SNRPE: variants seen among roughly 807,000 people sequenced by gnomAD.
SNRPE encodes small nuclear ribonucleoprotein E.
For missense variants in SNRPE, 53 were observed against 111.6 expected (o/e 0.48, Z 2.36); for synonymous variants, 35 against 36.7 (o/e 0.95, Z 0.17).
intron 4 of SNRPE, among the ~76,000 whole-genome samples, chr1:203,866,656 C>T (rs928732393): frequency 3.3e-5 from 5 of 152,102 alleles, no homozygotes; most frequent in African/African-American, 1.2e-4. Context: ...CTGCAGCTAC[C>T]TCCAGTTTGC....
At chr1:203,867,600 C>T (rs1161633389) in intron 4 of SNRPE, among the ~76,000 whole-genome samples, 1 of 152,094 alleles carries the variant, frequency 6.6e-6, no homozygotes, top group Non-Finnish European at 1.5e-5. Context: ...TCCCTCTTTG[C>T]CCGGTTCACA....
At chr1:203,865,821 G>A (rs1489206765) in intron 4 of SNRPE, among the ~76,000 whole-genome samples, 1 of 152,156 alleles carries the variant, frequency 6.6e-6, no homozygotes, top group African/African-American at 2.4e-5. Flanking sequence ...AGAACTCGGG[G>A]AAACACTTGT....
intron 3 of SNRPE, among the ~76,000 whole-genome samples, chr1:203,864,767 T>G (rs894211685): frequency 6.6e-6 from 1 of 150,692 alleles, no homozygotes; most frequent in African/African-American, 2.4e-5. Context: ...TTCCAGCTAC[T>G]TGGGGGGAGC....
intron 2 of SNRPE, among the ~76,000 whole-genome samples, chr1:203,862,707 C>T (rs1178090380): frequency 6.6e-6 from 1 of 152,082 alleles, no homozygotes; most frequent in Non-Finnish European, 1.5e-5. Flanking sequence ...CAGCTGCTTT[C>T]CTTTGAGGGA....
chr1:203,861,857 G>A, intron 1 of SNRPE, 144 bp downstream of exon 1: 1 of 722,502 alleles, frequency 1.4e-6, no homozygotes, highest in Non-Finnish European at 2.5e-6. Flanking sequence ...AAGAAAGCGC[G>A]GGTAGTTGAA....
At chr1:203,864,844 T>A (rs1690053533) in intron 3 of SNRPE, among the ~76,000 whole-genome samples, 197 bp from the exon 4 acceptor site, 1 of 135,830 alleles carries the variant, frequency 7.4e-6, no homozygotes. Flanking sequence ...ACCACTGCAC[T>A]CTAGCCTGGA....
intron 3 of SNRPE, among the ~76,000 whole-genome samples, chr1:203,864,807 G>A (rs1209176598): frequency 1.3e-5 from 2 of 149,132 alleles, no homozygotes; most frequent in Admixed American, 1.4e-4. Context: ...GAACCCAGGA[G>A]GTCCAGCTGC....
chr1:203,863,324 T>C (rs1690015442), intron 2 of SNRPE, among the ~76,000 whole-genome samples: 1 of 152,030 alleles, frequency 6.6e-6, no homozygotes. Flanking sequence ...GGCCTGTTTT[T>C]CTTTTCTTTT....
At chr1:203,862,045 A>G (rs1689988507) in intron 1 of SNRPE, 151 bp from the exon 2 acceptor site, 2 of 672,628 alleles carry the variant, frequency 3.0e-6, no homozygotes, top group African/African-American at 1.8e-5. Flanking sequence ...GAAGACCCGT[A>G]ACGAATGCCC....
chr1:203,861,815 A>G (rs1425175866), intron 1 of SNRPE, 102 bp downstream of exon 1: 1 of 886,696 alleles, frequency 1.1e-6, no homozygotes, highest in African/African-American at 1.6e-5. Context: ...ACGGATCCAC[A>G]TCCCATGAGC....
At chr1:203,862,790 T>G (rs1690003664) in intron 2 of SNRPE, among the ~76,000 whole-genome samples, 1 of 152,210 alleles carries the variant, frequency 6.6e-6, no homozygotes, top group African/African-American at 2.4e-5. Flanking sequence ...TAATAATTCT[T>G]AACCACCTGA....
intron 4 of SNRPE, among the ~76,000 whole-genome samples, chr1:203,866,602 A>G (rs1373603534): frequency 6.6e-6 from 1 of 152,168 alleles, no homozygotes; most frequent in Non-Finnish European, 1.5e-5. Flanking sequence ...TTCCTGCCTT[A>G]TTGAATGGCA....
intron 4 of SNRPE, among the ~76,000 whole-genome samples, chr1:203,866,967 CTTTT>C (rs10541438): frequency 0.76 from 114,253 of 151,006 alleles, 43,316 homozygotes; most frequent in East Asian, 0.8. Flanking sequence ...AATATCACTT[CTTTT>C]AAGACAGCGG....
intron 3 of SNRPE, 139 bp from the exon 4 acceptor site, chr1:203,864,893 AAAAAAAAAC>A: frequency 9.1e-5 from 37 of 407,832 alleles, no homozygotes; most frequent in Non-Finnish European, 1.2e-4. Context: ...AAAAAAAAAA[AAAAAAAAAC>A]TTTGGGTGGA....
At position 203,861,710 on chromosome 1, in the gene SNRPE, C is replaced by T. The variant is rs754277409; in HGVS notation, c.51C>T (p.Pro17=). ...GQKVQKVMVQ[P]INLIFRYLQN... is the part of the protein sequence containing the mutation. ...AAGTGCAGAAGGTTATGGTGCAGCCCATCGTATCCTACGCAGGATGTCAGG... is the reference window on the plus strand; with the variant it reads ...AAGTGCAGAAGGTTATGGTGCAGCCTATCGTATCCTACGCAGGATGTCAGG... The change falls in exon 1 of 5, where the codon CCC becomes CCT. Residue 17 remains proline (P), a synonymous_variant. Transcript: ENST00000414487. 2 of 1,609,888 alleles carry T rather than the reference C, an allele frequency of 1.2e-6. No individual in the cohort carries two copies. Among genetic ancestry groups the T allele is most frequent in the South Asian group, 2.2e-5 (2 of 91,028 alleles).
intron 3 of SNRPE, 126 bp from the exon 4 acceptor site, chr1:203,864,915 G>T: frequency 1.2e-6 from 1 of 822,346 alleles, no homozygotes; most frequent in Non-Finnish European, 1.7e-6. Flanking sequence ...TGGGTGGAAG[G>T]TGGGGTGGGG....
intron 3 of SNRPE, 35 bp downstream of exon 3, chr1:203,863,760 C>G: frequency 7.1e-7 from 1 of 1,402,538 alleles, no homozygotes. Context: ...CATAGCAGTT[C>G]GGTCGTAGAA....
rs368312879 is a variant in SNRPE at position 203,861,723 on chromosome 1, G to A, written c.54+10G>A. ...TATGGTGCAGCCCATCGTATCCTAC[G>A]CAGGATGTCAGGACTAGGAGGTTCG... On this transcript the variant is annotated intron_variant, in intron 1 of 4. Coordinates refer to ENST00000414487, the MANE Select transcript of SNRPE (RefSeq NM_003094.4). 10 of 1,603,066 alleles carry A rather than the reference G, an allele frequency of 6.2e-6. No individual in the cohort carries two copies. In the African/African-American group the frequency reaches 1.3e-4, roughly 21 times the overall value.
At chr1:203,864,995 TTGAA>T (rs1690059547) in intron 3 of SNRPE, 42 bp from the exon 4 acceptor site, 2 of 1,585,244 alleles carry the variant, frequency 1.3e-6, no homozygotes, top group African/African-American at 1.4e-5. Flanking sequence ...TTAAAATGGT[TTGAA>T]TGTGATTTTC....
Sources: gnomAD v4.1 joint callset for allele counts (sites outside exome capture counted in the v4.1 genomes callset) on GRCh38, gnomAD v4.1.1 for gene constraint, MANE v1.5 for transcripts, NCBI Gene and HGNC (gene_info 2026-07-23, HGNC 2026-07-21) for gene names.